The following STARD13 variants were observed in gnomAD, a reference collection of about 807,000 sequenced individuals.
The protein encoded by STARD13 is StAR related lipid transfer domain containing 13.
In STARD13, 62 loss-of-function variants were observed where a neutral mutation model predicts 106.4. The observed-to-expected ratio is 0.58, with a 90% CI of 0.48 to 0.72. STARD13 has a LOEUF of 0.72. Ranked by LOEUF, STARD13 falls within the 30% of genes least tolerant of loss-of-function variation. The pLI, the probability that STARD13 is intolerant of heterozygous loss-of-function variation, is 0.00. For synonymous variants in STARD13, 565 were observed against 553.0 expected, an observed-to-expected ratio of 1.02 and a Z score of -0.31; for missense variants, 1,387 against 1,424.0, an observed-to-expected ratio of 0.97 and a Z score of 0.42.
the STARD13 span, among the ~76,000 whole-genome samples, chr13:33,593,945 C>T: frequency 5.9e-5 from 9 of 152,064 alleles, no homozygotes; most frequent in Non-Finnish European, 1.0e-4. Context: ...CTTGCTCTGT[C>T]GCTCAGGCTG....
At chr13:33,182,848 C>G (rs745681716) in intron 1 of STARD13, among the ~76,000 whole-genome samples, 3 of 152,228 alleles carry the variant, frequency 2.0e-5, no homozygotes, top group South Asian at 2.1e-4. Flanking sequence ...TCACGTCTCC[C>G]TGTCACCTGC....
At chr13:33,491,955 A>C in the STARD13 span, among the ~76,000 whole-genome samples, 1 of 152,188 alleles carries the variant, frequency 6.6e-6, no homozygotes, top group Non-Finnish European at 1.5e-5. Context: ...TGAGTCCGAA[A>C]AGAGAGTCAG....
upstream of STARD13, among the ~76,000 whole-genome samples, chr13:33,350,883 ACTC>A (rs1373266377): frequency 1.3e-5 from 2 of 151,758 alleles, no homozygotes; most frequent in Non-Finnish European, 2.9e-5. Flanking sequence ...GCTGGACCAT[ACTC>A]CTCCTATTTC....
At chr13:33,628,182 C>T in the STARD13 span, among the ~76,000 whole-genome samples, 2 of 146,540 alleles carry the variant, frequency 1.4e-5, no homozygotes, top group Non-Finnish European at 3.0e-5. Flanking sequence ...CACACACACA[C>T]ACACACACAC....
At chr13:33,556,429 C>A in the STARD13 span, among the ~76,000 whole-genome samples, 9 of 151,952 alleles carry the variant, frequency 5.9e-5, no homozygotes, top group Admixed American at 5.2e-4. Flanking sequence ...CGCAGGGGCG[C>A]CACCTTTCCC....
At chr13:33,332,776 A>G (rs2077851686) in intron 1 of STARD13, among the ~76,000 whole-genome samples, 1 of 152,158 alleles carries the variant, frequency 6.6e-6, no homozygotes, top group African/African-American at 2.4e-5. Flanking sequence ...TAATTACAAC[A>G]CTTACATATA....
the STARD13 span, among the ~76,000 whole-genome samples, chr13:33,629,137 A>G: frequency 3.4e-4 from 51 of 152,020 alleles, no homozygotes; most frequent in East Asian, 9.5e-3. Context: ...CCCCAGTTCA[A>G]CTCCTCCTCT....
At chr13:33,520,546 A>G in the STARD13 span, among the ~76,000 whole-genome samples, 1 of 152,168 alleles carries the variant, frequency 6.6e-6, no homozygotes. Flanking sequence ...AATAGCGGCC[A>G]GTCTAACTTC....
At chr13:33,541,834 T>C in the STARD13 span, among the ~76,000 whole-genome samples, 35 of 152,362 alleles carry the variant, frequency 2.3e-4, no homozygotes, top group East Asian at 6.4e-3. Context: ...ATACAGATTT[T>C]ATTTCTGCAA....
chr13:33,634,826 G>A, the STARD13 span, among the ~76,000 whole-genome samples: 1 of 152,134 alleles, frequency 6.6e-6, no homozygotes, highest in African/African-American at 2.4e-5. Flanking sequence ...AAGTGGTGTC[G>A]CTGCGAATGA....
chr13:33,560,730 A>T, the STARD13 span, among the ~76,000 whole-genome samples: 16 of 151,594 alleles, frequency 1.1e-4, 1 homozygote, highest in African/African-American at 3.9e-4. Flanking sequence ...TCTTTAATTT[A>T]AAAATATTTC....
the STARD13 span, among the ~76,000 whole-genome samples, chr13:33,493,067 G>A: frequency 2.4e-4 from 36 of 152,262 alleles, 1 homozygote; most frequent in South Asian, 6.6e-3. Flanking sequence ...TCCTTCTGTC[G>A]AACAAGGTTC....
the STARD13 span, among the ~76,000 whole-genome samples, chr13:33,391,845 G>A: frequency 6.6e-6 from 1 of 152,120 alleles, no homozygotes; most frequent in African/African-American, 2.4e-5. Context: ...CTGCCACATG[G>A]AAGAGGCCTC....
At chr13:33,221,069 C>A (rs1391736304) in intron 1 of STARD13, among the ~76,000 whole-genome samples, 1 of 151,982 alleles carries the variant, frequency 6.6e-6, no homozygotes, top group Non-Finnish European at 1.5e-5. Flanking sequence ...TGAAAACACT[C>A]GTCATCAACT....
chr13:33,254,471 T>C (rs559724780), intron 1 of STARD13, among the ~76,000 whole-genome samples: 3 of 152,300 alleles, frequency 2.0e-5, no homozygotes, highest in Admixed American at 2.0e-4. Flanking sequence ...ATTCTGTTGA[T>C]ATGGGCAGGA....
chr13:33,121,217 T>A (rs1876239743), intron 7 of STARD13, among the ~76,000 whole-genome samples: 1 of 152,174 alleles, frequency 6.6e-6, no homozygotes, highest in South Asian at 2.1e-4. Context: ...CCCCTCTCGA[T>A]CCTCATAGAA....
chr13:33,181,231 G>T (rs145205806), intron 1 of STARD13, among the ~76,000 whole-genome samples: 1 of 150,936 alleles, frequency 6.6e-6, no homozygotes, highest in Admixed American at 6.6e-5. Context: ...GGAATTTGGA[G>T]ACATAGATAT....
At chr13:33,498,226 TAACCTTC>T in the STARD13 span, among the ~76,000 whole-genome samples, 1 of 152,200 alleles carries the variant, frequency 6.6e-6, no homozygotes, top group African/African-American at 2.4e-5. Flanking sequence ...TGACAACTGA[TAACCTTC>T]AATTATAAGA....
intron 1 of STARD13, among the ~76,000 whole-genome samples, chr13:33,178,011 A>AAGGAAAGG (rs1555242804): frequency 1.4e-4 from 3 of 21,446 alleles, no homozygotes; most frequent in African/African-American, 3.7e-4. Context: ...GGAAGGAAGG[A>AAGGAAAGG]AAGGAAGGAA....
Sources: gnomAD v4.1 joint callset for allele counts (sites outside exome capture counted in the v4.1 genomes callset) on GRCh38, gnomAD v4.1.1 for gene constraint, MANE v1.5 for transcripts, NCBI Gene and HGNC (gene_info 2026-07-23, HGNC 2026-07-21) for gene names.